SLC35E2B: variants seen among roughly 807,000 people sequenced by gnomAD.
SLC35E2B encodes the protein solute carrier family 35, member E2B.
Under a neutral mutation model 32.4 loss-of-function variants are expected in SLC35E2B, and 18 were observed. The observed-to-expected ratio is 0.56, with a 90% CI of 0.38 to 0.82. The LOEUF is 0.82. Ranked by LOEUF, SLC35E2B falls within the 40% of genes least tolerant of loss-of-function variation. SLC35E2B has a pLI of 0.00. For missense variants in SLC35E2B, 263 were observed against 469.5 expected (o/e 0.56, Z 4.06); for synonymous variants, 132 against 209.1 (o/e 0.63, Z 3.18).
chr1:1,677,764 C>T (rs1643866346), intron 2 of SLC35E2B, among the ~76,000 whole-genome samples: 1 of 151,878 alleles, frequency 6.6e-6, no homozygotes, highest in African/African-American at 2.4e-5. Flanking sequence ...ATGCTACTTT[C>T]TAGACAGACT....
chr1:1,671,507 A>T lies in SLC35E2B; in HGVS notation c.707+2T>A. The T allele has an allele frequency of 6.6e-7, 1 of 1,522,022 alleles. No individual in the cohort carries two copies. The highest frequency in any genetic ancestry group is 2.6e-5 in the East Asian group (1 of 38,102). The allele number at this position is 1,522,022 out of a possible 1,614,324, so 94.3% of individuals were successfully genotyped here. On this transcript the variant is annotated splice_donor_variant, in intron 6 of 9. Transcript: ENST00000617444. LOFTEE classifies it high-confidence loss of function. ...CTCACGCCCACCTTCTCTGTGACTC[A>T]CCAGTCCATGATGTTGGTGGACAGT...
Position 1,661,644 on chromosome 1 carries a change from C to A in SLC35E2B, c.*4138G>T, listed in dbSNP as rs1005177027. 5.4e-5 allele frequency: 19 copies of A among 349,944 alleles called. 1 individual carries two copies. The highest frequency in any genetic ancestry group is 7.2e-5 in the Non-Finnish European group (18 of 250,112). 21.7% of individuals were successfully genotyped at this position (349,944 alleles called of 1,614,324 possible). ...ACAGTGACTCGCTAATTAACAGAAC[C>A]GTTTGCTAGAAAGCACTAATCTAGT... On this transcript the variant is annotated 3_prime_UTR_variant, in exon 10 of 10. Coordinates refer to ENST00000617444, the MANE Select transcript of SLC35E2B (RefSeq NM_001290264.2).
chr1:1,668,960 C>T (rs1190728244), intron 8 of SLC35E2B, among the ~76,000 whole-genome samples: 1 of 147,648 alleles, frequency 6.8e-6, no homozygotes, highest in Non-Finnish European at 1.5e-5. Context: ...CACTGTACCC[C>T]AGCCTGGGCA....
At chr1:1,668,576 T>A in intron 8 of SLC35E2B, 104 bp from the exon 9 acceptor site, 1 of 1,603,392 alleles carries the variant, frequency 6.2e-7, no homozygotes, top group Admixed American at 1.7e-5. Context: ...TGGGTAAAGC[T>A]GCTGCCACTG....
chr1:1,669,346 G>A (rs1321620857), intron 8 of SLC35E2B, among the ~76,000 whole-genome samples: 3 of 151,382 alleles, frequency 2.0e-5, no homozygotes, highest in African/African-American at 2.4e-5. Flanking sequence ...GATACAGAGC[G>A]AGACTCTTTA....
intron 9 of SLC35E2B, among the ~76,000 whole-genome samples, chr1:1,666,714 GCTTGTAACCCCAGCAC>G (rs1643555318): frequency 8.0e-5 from 12 of 150,558 alleles, no homozygotes; most frequent in East Asian, 7.9e-4. Context: ...GGGGGCTCAT[GCTTGTAACCCCAGCAC>G]TGTGGGAGGC....
chr1:1,671,502 G>A lies in SLC35E2B; in HGVS notation c.707+7C>T. The A allele has an allele frequency of 2.0e-6, 3 of 1,512,056 alleles. No homozygotes were observed. Among genetic ancestry groups the A allele is most frequent in the Non-Finnish European group, 2.7e-6 (3 of 1,125,502 alleles). 93.7% of individuals were successfully genotyped at this position (1,512,056 alleles called of 1,614,324 possible). ...TCCCCCTCACGCCCACCTTCTCTGT[G>A]ACTCACCAGTCCATGATGTTGGTGG... On this transcript the variant is annotated splice_region_variant and intron_variant, in intron 6 of 9. Coordinates refer to ENST00000617444, the MANE Select transcript of SLC35E2B (RefSeq NM_001290264.2).
rs1643617347 is a variant in SLC35E2B at position 1,669,031 on chromosome 1, A to G, written c.835-559T>C. Among the ~76,000 whole-genome samples the G allele has an allele frequency of 1.3e-5, 2 of 152,026 alleles. 1 individual carries two copies. The highest frequency in any genetic ancestry group is 2.9e-5 in the Non-Finnish European group (2 of 68,022). ...AAATTAAATATAGAATTATTATATAATCCAGCACTTCCACTGCTGGGTATA... is the reference window on the plus strand; with the variant it reads ...AAATTAAATATAGAATTATTATATAGTCCAGCACTTCCACTGCTGGGTATA... On this transcript the variant is annotated intron_variant, in intron 8 of 9. Transcript: ENST00000617444.
In SLC35E2B at chr1:1,675,528, G is replaced by T. The variant is rs756610571; in HGVS notation, c.521C>A (p.Thr174Lys). 1 of 1,564,868 alleles carries T rather than the reference G, an allele frequency of 6.4e-7. No individual in the cohort carries two copies. ...LKNVAVSFAE[T>K]VKSSAPIFTV... is the part of the protein sequence containing the mutation. Reference sequence around the variant, plus strand: ...GAAGATGGGGGCGGAGCTCTTCACCGTCTCAGCAAACGAAACCGCCACATT... The same window carrying T: ...GAAGATGGGGGCGGAGCTCTTCACCTTCTCAGCAAACGAAACCGCCACATT... The change falls in exon 5 of 10, where the codon ACG becomes AAG. Residue 174 changes from threonine to lysine, a missense_variant. Transcript: ENST00000617444.
At position 1,668,358 on chromosome 1, in the gene SLC35E2B, G is replaced by A. The variant is rs1362282184; in HGVS notation, c.949C>T (p.Leu317Phe). Residue 317 changes from leucine (L) to phenylalanine (F), a missense_variant, in exon 9 of 10, where the codon CTC (leucine) becomes TTC (phenylalanine). By Grantham distance (22) the Leu-to-Phe change is conservative (BLOSUM62 0). Coordinates refer to ENST00000617444, the MANE Select transcript of SLC35E2B (RefSeq NM_001290264.2). ...FHLQSVTAYA[L>F]MGKISPVTFS... ...GTCACCGGGGAGATTTTCCCCATGA[G>A]GGCGTACGCCGTGACGCTCTGAAGG... The A allele has an allele frequency of 1.2e-6, 2 of 1,610,628 alleles. No homozygotes were observed. Among genetic ancestry groups the A allele is most frequent in the Admixed American group, 1.7e-5 (1 of 59,594 alleles).
chr1:1,687,149 G>A (rs1346606697), intron 2 of SLC35E2B, among the ~76,000 whole-genome samples: 3 of 152,184 alleles, frequency 2.0e-5, no homozygotes, highest in South Asian at 2.1e-4. Flanking sequence ...GGGCCCGAGC[G>A]CACAGGCTTG....
rs368124556 is a variant in SLC35E2B at position 1,668,362 on chromosome 1, G to A, written c.945C>T (p.Tyr315=). The A allele has an allele frequency of 3.9e-5, 63 of 1,610,750 alleles. No individual in the cohort carries two copies. Among genetic ancestry groups the A allele is most frequent in the East Asian group, 1.8e-4 (8 of 44,808 alleles). The change falls in exon 9 of 10, where the codon TAC becomes TAT. Residue 315 remains tyrosine (Y), a synonymous_variant. Transcript: ENST00000617444. ...VLFHLQSVTA[Y]ALMGKISPVT... ...CCGGGGAGATTTTCCCCATGAGGGC[G>A]TACGCCGTGACGCTCTGAAGGTGGA...
At position 1,664,892 on chromosome 1, in the gene SLC35E2B, C is replaced by T; in HGVS notation, c.*890G>A. The T allele has an allele frequency of 1.1e-6, 1 of 936,288 alleles. No homozygotes were observed. 58.0% of individuals were successfully genotyped at this position (936,288 alleles called of 1,614,324 possible). ...TGGGCTCTGAGGGAGGACAGACAGG[C>T]TCACCCCACGGGGACCTCAGAACAG... On this transcript the variant is annotated 3_prime_UTR_variant, in exon 10 of 10. Transcript: ENST00000617444.
At chr1:1,670,193 G>A (rs746999072) in intron 6 of SLC35E2B, 42 bp from the exon 7 acceptor site, 131 of 1,404,316 alleles carry the variant, frequency 9.3e-5, no homozygotes, top group Non-Finnish European at 1.2e-4. Context: ...ACTAGTCCTC[G>A]GCACGGAACA....
chr1:1,675,272 C>G (rs1643813007), intron 5 of SLC35E2B, among the ~76,000 whole-genome samples, 191 bp downstream of exon 5: 1 of 150,366 alleles, frequency 6.7e-6, no homozygotes, highest in African/African-American at 2.5e-5. Context: ...TGTGAGAATA[C>G]CTGGCAGACG....
chr1:1,687,017 C>T (rs1311845412), intron 2 of SLC35E2B, among the ~76,000 whole-genome samples: 1 of 152,102 alleles, frequency 6.6e-6, no homozygotes, highest in African/African-American at 2.4e-5. Flanking sequence ...GATCGTGCCA[C>T]TGCACTCCAG....
At chr1:1,669,127 G>C (rs917937914) in intron 8 of SLC35E2B, among the ~76,000 whole-genome samples, 6 of 152,122 alleles carry the variant, frequency 3.9e-5, no homozygotes, top group Non-Finnish European at 8.8e-5. Flanking sequence ...AAGTCAGTCA[G>C]CCTTGACAGC....
chr1:1,688,557 G>A (rs1273165862), intron 2 of SLC35E2B, among the ~76,000 whole-genome samples: 2 of 151,646 alleles, frequency 1.3e-5, no homozygotes, highest in East Asian at 1.9e-4. Context: ...CGGAGATCGC[G>A]CCATTGCACT....
intron 2 of SLC35E2B, among the ~76,000 whole-genome samples, chr1:1,680,633 G>T (rs960003115): frequency 2.6e-5 from 4 of 152,074 alleles, no homozygotes; most frequent in African/African-American, 9.7e-5. Flanking sequence ...AGCCCACGTG[G>T]TCCCGGGGTC....
Sources: allele counts gnomAD v4.1 joint callset (sites outside exome capture counted in the v4.1 genomes callset), GRCh38; gene constraint gnomAD v4.1.1; transcripts MANE v1.5; gene names NCBI Gene and HGNC (gene_info 2026-07-23, HGNC 2026-07-21).